NSMAF: variants seen among roughly 807,000 people sequenced by gnomAD.
NSMAF encodes protein FAN.
A neutral mutation model predicts 134.9 loss-of-function variants in NSMAF; 90 were observed. The observed-to-expected ratio is 0.67, with a 90% CI of 0.56 to 0.79. The LOEUF (loss-of-function observed/expected upper bound fraction) is 0.79, where lower values mean the gene tolerates loss of function less well. Ranked by LOEUF, NSMAF falls within the 30% of genes least tolerant of loss-of-function variation. The pLI is 0.00. For synonymous variants in NSMAF, 358 were observed against 389.6 expected (o/e 0.92, Z 0.96); for missense variants, 1,010 against 1,119.0 (o/e 0.90, Z 1.39).
intron 26 of NSMAF, 129 bp downstream of exon 26, chr8:58,589,323 A>C (rs1805971799): frequency 1.8e-6 from 1 of 543,374 alleles, no homozygotes; most frequent in Non-Finnish European, 2.8e-6. Context: ...AAAAGAGTGG[A>C]GTGACTGAAC....
chr8:58,635,910 C>A (rs1000553694), intron 2 of NSMAF, among the ~76,000 whole-genome samples: 5 of 152,170 alleles, frequency 3.3e-5, no homozygotes, highest in African/African-American at 4.8e-5. Flanking sequence ...CAGAGTAACA[C>A]TGCCTGTTCT....
At chr8:58,587,722 G>T in intron 26 of NSMAF, 21 bp from the exon 27 acceptor site, 2 of 1,602,384 alleles carry the variant, frequency 1.2e-6, no homozygotes, top group Non-Finnish European at 1.7e-6. Flanking sequence ...ACATATTGCA[G>T]AAGGTATTTT....
intron 1 of NSMAF, among the ~76,000 whole-genome samples, chr8:58,646,959 C>A: frequency 6.6e-6 from 1 of 152,212 alleles, no homozygotes; most frequent in East Asian, 1.9e-4. Flanking sequence ...TCTTACATCA[C>A]CTAAATTTTA....
chr8:58,617,992 T>A (rs1806701319), intron 9 of NSMAF, among the ~76,000 whole-genome samples: 1 of 152,170 alleles, frequency 6.6e-6, no homozygotes. Context: ...TAAAAAGGGA[T>A]GAGTTCATGT....
At chr8:58,584,292 C>T in intron 30 of NSMAF, 92 bp from the exon 31 acceptor site, 1 of 870,184 alleles carries the variant, frequency 1.1e-6, no homozygotes. Flanking sequence ...CTTTGCTATT[C>T]ATTTACTAAA....
intron 1 of NSMAF, 109 bp downstream of exon 1, chr8:58,659,464 C>T: frequency 6.7e-7 from 1 of 1,494,420 alleles, no homozygotes; most frequent in East Asian, 2.8e-5. Context: ...GCCCCTGCCT[C>T]CGTGCCCGGC....
chr8:58,594,126 G>T, intron 23 of NSMAF, 106 bp downstream of exon 23: 1 of 876,974 alleles, frequency 1.1e-6, no homozygotes. Context: ...TTTACTTTAT[G>T]TGGAGGCAGC....
chr8:58,612,152 G>T (rs1421910220), intron 9 of NSMAF, among the ~76,000 whole-genome samples: 2 of 152,154 alleles, frequency 1.3e-5, no homozygotes, highest in Non-Finnish European at 2.9e-5. Context: ...CTGTGTATGG[G>T]ATCCTGGATG....
intron 9 of NSMAF, among the ~76,000 whole-genome samples, chr8:58,621,892 G>A (rs1441352374): frequency 2.0e-5 from 3 of 152,114 alleles, no homozygotes; most frequent in African/African-American, 7.2e-5. Context: ...TGCAAAGTTT[G>A]CAAATATTTT....
intron 12 of NSMAF, among the ~76,000 whole-genome samples, chr8:58,605,712 A>G (rs1262860965): frequency 6.6e-6 from 1 of 151,954 alleles, no homozygotes; most frequent in African/African-American, 2.4e-5. Flanking sequence ...CCCTGTCTCT[A>G]CTAAAAATAC....
chr8:58,637,495 CA>C, intron 2 of NSMAF: 1 of 375,152 alleles, frequency 2.7e-6, no homozygotes, highest in Non-Finnish European at 5.4e-6. Flanking sequence ...AAATCCTAGC[CA>C]GAGCAATTTG....
At chr8:58,595,996 T>G (rs1806128906) in intron 21 of NSMAF, 1 of 204,176 alleles carries the variant, frequency 4.9e-6, no homozygotes, top group Non-Finnish European at 1.0e-5. Context: ...ACCTGACAGT[T>G]GCCTAAGAAT....
intron 24 of NSMAF, among the ~76,000 whole-genome samples, chr8:58,590,595 C>T (rs1805998906): frequency 6.6e-6 from 1 of 152,056 alleles, no homozygotes; most frequent in African/African-American, 2.4e-5. Context: ...AGTCTGACAG[C>T]TAAAAAAGGG....
At chr8:58,592,478 G>A (rs1806040302) in intron 23 of NSMAF, among the ~76,000 whole-genome samples, 3 of 152,166 alleles carry the variant, frequency 2.0e-5, no homozygotes, top group African/African-American at 7.2e-5. Flanking sequence ...TATACTAGAA[G>A]AAGATATGTA....
chr8:58,617,104 C>A (rs550595497), intron 9 of NSMAF, among the ~76,000 whole-genome samples: 1 of 151,966 alleles, frequency 6.6e-6, no homozygotes, highest in Non-Finnish European at 1.5e-5. Context: ...ACAATCATTA[C>A]AAAATAAAGT....
At position 58,585,993 on chromosome 8, in the gene NSMAF, G is replaced by A; in HGVS notation, c.2454C>T (p.Arg818=). 6.2e-7 allele frequency: 1 copy of A among 1,612,610 alleles called. No individual in the cohort carries two copies. The highest frequency in any genetic ancestry group is 1.7e-4 in the Middle Eastern group (1 of 6,060). The change falls in exon 29 of 31, where the codon CGC becomes CGT. Residue 818 remains arginine (R), a synonymous_variant. Transcript: ENST00000038176. ...VCDTAFSPDS[R]HVLSTGTDGC... ...CATCTGTTCCTGTGCTGAGGACATG[G>A]CGACTATCTGCAACACAAGGTGAGA...
chr8:58,586,457 C>A lies in NSMAF; in HGVS notation c.2446+1G>T. The A allele has an allele frequency of 6.2e-7, 1 of 1,613,462 alleles. No homozygotes were observed. The highest frequency in any genetic ancestry group is 8.5e-7 in the Non-Finnish European group (1 of 1,179,720). ...TCTGTTTTAAAAAGGATAATATCTA[C>A]CTGGGCTAAAAGCAGTGTCACATAC... On this transcript the variant is annotated splice_donor_variant, in intron 28 of 30. Coordinates refer to ENST00000038176, the MANE Select transcript of NSMAF (RefSeq NM_003580.4). LOFTEE classifies it high-confidence loss of function.
intron 2 of NSMAF, among the ~76,000 whole-genome samples, chr8:58,641,958 C>T (rs905961798): frequency 4.0e-5 from 6 of 151,610 alleles, no homozygotes; most frequent in Admixed American, 1.3e-4. Context: ...TGATGATATA[C>T]GATAGAAGAA....
chr8:58,587,009 ACAT>A (rs1483891752), intron 27 of NSMAF, among the ~76,000 whole-genome samples: 3 of 152,226 alleles, frequency 2.0e-5, no homozygotes, highest in African/African-American at 7.2e-5. Flanking sequence ...CTATACTTGC[ACAT>A]CATCATGAAT....
Sources: allele counts gnomAD v4.1 joint callset (sites outside exome capture counted in the v4.1 genomes callset), GRCh38; gene constraint gnomAD v4.1.1; transcripts MANE v1.5; gene names NCBI Gene and HGNC (gene_info 2026-07-23, HGNC 2026-07-21).